DDHD1: variants seen among roughly 807,000 people sequenced by gnomAD.
DDHD1 encodes DDHD domain containing 1.
A neutral mutation model predicts 96.4 loss-of-function variants in DDHD1; 49 were observed. That is an observed-to-expected ratio of 0.51 (90% CI 0.40 to 0.64). DDHD1 has a LOEUF of 0.64. Ranked by LOEUF, DDHD1 falls within the 30% of genes least tolerant of loss-of-function variation. DDHD1 has a pLI of 0.00. For synonymous variants in DDHD1, 442 were observed against 446.5 expected, an observed-to-expected ratio of 0.99 and a Z score of 0.13; for missense variants, 1,106 against 1,161.2, an observed-to-expected ratio of 0.95 and a Z score of 0.69.
At chr14:53,118,817 T>C (rs1056309307) in intron 1 of DDHD1, among the ~76,000 whole-genome samples, 8 of 152,066 alleles carry the variant, frequency 5.3e-5, no homozygotes, top group South Asian at 2.1e-4. Context: ...GAGAACACCA[T>C]AAAGATCCTC....
At chr14:53,110,641 G>A (rs1228426239) in intron 1 of DDHD1, among the ~76,000 whole-genome samples, 1 of 152,122 alleles carries the variant, frequency 6.6e-6, no homozygotes, top group Non-Finnish European at 1.5e-5. Flanking sequence ...CTTAGATACA[G>A]GTGTTATGTC....
In DDHD1 at chr14:53,063,224, C is replaced by A. The variant is rs1314654756; in HGVS notation, c.1504-19G>T. 6.2e-7 allele frequency: 1 copy of A among 1,608,002 alleles called. No individual in the cohort carries two copies. Among genetic ancestry groups the A allele is most frequent in the Non-Finnish European group, 8.5e-7 (1 of 1,178,136 alleles). The stretch of plus-strand genomic sequence containing the variant: ...TAACTAGCTGTTTGAAATAAGAAAA[C>A]ATTATCATATTAGACTTGTCACTGA... On this transcript the variant is annotated intron_variant, in intron 6 of 12. Transcript: ENST00000673822.
intron 2 of DDHD1, among the ~76,000 whole-genome samples, chr14:53,095,119 T>C (rs1436293423): frequency 6.6e-6 from 1 of 152,190 alleles, no homozygotes; most frequent in Non-Finnish European, 1.5e-5. Context: ...TTGATAATTC[T>C]TATGTTTTGA....
At chr14:53,128,981 T>C (rs1889665972) in intron 1 of DDHD1, among the ~76,000 whole-genome samples, 1 of 152,202 alleles carries the variant, frequency 6.6e-6, no homozygotes, top group Admixed American at 6.5e-5. Context: ...ATATTCTCCC[T>C]GCCCTTGAGA....
chr14:53,086,166 T>G (rs1215111107), intron 4 of DDHD1, among the ~76,000 whole-genome samples: 2 of 152,220 alleles, frequency 1.3e-5, no homozygotes, highest in African/African-American at 2.4e-5. Flanking sequence ...AGACCAAATC[T>G]ACGTCTGACT....
intron 4 of DDHD1, among the ~76,000 whole-genome samples, chr14:53,086,076 T>C (rs966407920): frequency 5.3e-5 from 8 of 151,928 alleles, no homozygotes; most frequent in African/African-American, 1.7e-4. Flanking sequence ...ATTCATGAAA[T>C]GAAGCGAAAA....
rs143224676 is a variant in DDHD1 at position 53,070,289 on chromosome 14, C to A, written c.1503+2308G>T. Among the ~76,000 whole-genome samples, 28 of 152,274 alleles carry A rather than the reference C, an allele frequency of 1.8e-4. No homozygotes were observed. The East Asian group carries it at 5.4e-3, about 29-fold the overall frequency. ...TATTTTCTTTATGTTCTACTCTCTTCCCCTACAAAAATCTGGTTCCCTTTC... is the reference window on the plus strand; with the variant it reads ...TATTTTCTTTATGTTCTACTCTCTTACCCTACAAAAATCTGGTTCCCTTTC... On this transcript the variant is annotated intron_variant, in intron 6 of 12. Coordinates refer to ENST00000673822, the MANE Select transcript of DDHD1 (RefSeq NM_001160148.2).
At chr14:53,076,038 C>G (rs1057242327) in intron 4 of DDHD1, among the ~76,000 whole-genome samples, 1 of 152,150 alleles carries the variant, frequency 6.6e-6, no homozygotes, top group Non-Finnish European at 1.5e-5. Context: ...ATGTTGTTTT[C>G]ATGCCTGCTA....
chr14:53,088,555 A>C (rs536435532), intron 4 of DDHD1, among the ~76,000 whole-genome samples: 1 of 152,372 alleles, frequency 6.6e-6, no homozygotes, highest in East Asian at 1.9e-4. Context: ...CATAACCAGA[A>C]CCAAAGACAA....
intron 1 of DDHD1, among the ~76,000 whole-genome samples, chr14:53,109,034 G>A (rs1267418453): frequency 1.3e-5 from 2 of 152,138 alleles, no homozygotes; most frequent in Non-Finnish European, 1.5e-5. Context: ...TAGTTTAAGA[G>A]CATTCACTTC....
chr14:53,068,169 C>T (rs1387446837), intron 6 of DDHD1, among the ~76,000 whole-genome samples: 4 of 150,674 alleles, frequency 2.7e-5, no homozygotes, highest in East Asian at 3.9e-4. Context: ...GGATGAGATA[C>T]GGTATTTAGC....
rs1429905304 is a variant in DDHD1, at chr14:53,087,870, A to G, written c.1289+3915T>C. Among the ~76,000 whole-genome samples, 6 of 152,250 alleles carry G rather than the reference A, an allele frequency of 3.9e-5. No homozygotes were observed. The East Asian group carries it at 9.6e-4, about 24-fold the overall frequency. On this transcript the variant is annotated intron_variant, in intron 4 of 12. Coordinates refer to ENST00000673822, the MANE Select transcript of DDHD1 (RefSeq NM_001160148.2). Reference sequence around the variant, plus strand: ...ACCCTTCAAAAAAATCAATGAATCCAGGAGCTGGTTTTTTGAAACAATCAA... The same window carrying G: ...ACCCTTCAAAAAAATCAATGAATCCGGGAGCTGGTTTTTTGAAACAATCAA...
intron 12 of DDHD1, among the ~76,000 whole-genome samples, chr14:53,047,495 C>T (rs924880376): frequency 3.3e-5 from 5 of 152,276 alleles, no homozygotes; most frequent in Admixed American, 2.0e-4. Context: ...TCACAGGCAA[C>T]CCCCATAAAC....
chr14:53,081,089 G>A (rs1053703138), intron 4 of DDHD1, among the ~76,000 whole-genome samples: 5 of 152,144 alleles, frequency 3.3e-5, no homozygotes, highest in African/African-American at 7.2e-5. Flanking sequence ...CCCAAAGTTC[G>A]CATTTTAAGA....
intron 2 of DDHD1, chr14:53,093,757 T>C (rs1267796488): frequency 1.1e-5 from 3 of 279,440 alleles, no homozygotes; most frequent in Non-Finnish European, 2.0e-5. Context: ...CTTTCCCGGG[T>C]GATGTGGCTG....
intron 9 of DDHD1, 43 bp downstream of exon 9, chr14:53,058,434 C>G (rs780288525): frequency 6.4e-7 from 1 of 1,568,214 alleles, no homozygotes; most frequent in Non-Finnish European, 8.6e-7. Context: ...TTTTTAGGAA[C>G]AATTTGACAT....
chr14:53,101,138 GA>G (rs1887264199), intron 2 of DDHD1, among the ~76,000 whole-genome samples: 1 of 152,060 alleles, frequency 6.6e-6, no homozygotes, highest in African/African-American at 2.4e-5. Flanking sequence ...TCAAACTAAT[GA>G]AGTATAAAAT....
intron 4 of DDHD1, among the ~76,000 whole-genome samples, chr14:53,083,196 T>C (rs1488670023): frequency 6.6e-6 from 1 of 152,216 alleles, no homozygotes; most frequent in African/African-American, 2.4e-5. Flanking sequence ...CTTTTTGCTT[T>C]TTAAAATTCT....
intron 1 of DDHD1, among the ~76,000 whole-genome samples, chr14:53,115,893 T>C (rs533889651): frequency 1.3e-5 from 2 of 152,266 alleles, no homozygotes; most frequent in African/African-American, 4.8e-5. Context: ...ACCTTAAATG[T>C]ACATGGGCTA....
Sources: gnomAD v4.1 joint callset for allele counts (sites outside exome capture counted in the v4.1 genomes callset) on GRCh38, gnomAD v4.1.1 for gene constraint, MANE v1.5 for transcripts, NCBI Gene and HGNC (gene_info 2026-07-23, HGNC 2026-07-21) for gene names.